Variants in RBFOX3 observed in about 807,000 individuals in gnomAD.
The protein encoded by RBFOX3 is RNA binding fox-1 homolog 3, also known as RNA binding protein fox-1 homolog 3.
A neutral mutation model predicts 48.7 loss-of-function variants in RBFOX3; 17 were observed. That is an observed-to-expected ratio of 0.35 (90% CI 0.24 to 0.52). RBFOX3 has a LOEUF of 0.52. Ranked by LOEUF, RBFOX3 falls within the 20% of genes least tolerant of loss-of-function variation. RBFOX3 has a pLI of 0.94. For missense variants in RBFOX3, 382 were observed against 497.5 expected, an observed-to-expected ratio of 0.77 and a Z score of 2.21; for synonymous variants, 212 against 209.5, an observed-to-expected ratio of 1.01 and a Z score of -0.10.
chr17:79,153,357 CATT>C (rs2045031090), intron 4 of RBFOX3, among the ~76,000 whole-genome samples: 1 of 152,344 alleles, frequency 6.6e-6, no homozygotes, highest in South Asian at 2.1e-4. Flanking sequence ...CTTCATGCCT[CATT>C]GAGAGAATTT....
chr17:79,189,833 G>A (rs919649958), intron 4 of RBFOX3, among the ~76,000 whole-genome samples: 9 of 152,212 alleles, frequency 5.9e-5, no homozygotes, highest in African/African-American at 1.4e-4. Flanking sequence ...GGCTTGGGAA[G>A]TTGTATATTT....
At chr17:79,310,964 G>A (rs148212650) in intron 2 of RBFOX3, among the ~76,000 whole-genome samples, 2,605 of 152,246 alleles carry the variant, frequency 0.017, 41 homozygotes, top group South Asian at 0.048. Context: ...TGTTGCTGGG[G>A]TGGTACTTGG....
rs2076847413 is a variant in RBFOX3 at position 79,311,450 on chromosome 17, A to C, written c.-174-3626T>G. Among the ~76,000 whole-genome samples the C allele has an allele frequency of 1.3e-5, 2 of 151,852 alleles. No individual in the cohort carries two copies. The highest frequency in any genetic ancestry group is 4.8e-5 in the African/African-American group (2 of 41,336). ...CTCCATCTCCAAAAAAAAAAAAAAA[A>C]AAAACAGACTGCAGCACCAATTCCT... On this transcript the variant is annotated intron_variant, in intron 2 of 14. Transcript: ENST00000693108. This position sits in a 1 kb window ranked among gnomAD's most constrained non-coding sequence, Gnocchi z 4.2.
Position 79,146,846 on chromosome 17 carries a change from AG to A in RBFOX3, c.-33-31099del, listed in dbSNP as rs1467060166. Among the ~76,000 whole-genome samples, 10 of 152,204 alleles carry A rather than the reference AG, an allele frequency of 6.6e-5. No homozygotes were observed. The South Asian group carries it at 1.7e-3, about 25-fold the overall frequency. ...CTGCAGGCTCAACCTCACCATGAGG[AG>A]GGGGCAGAGGCCTGAGGAGGGCGGG... On this transcript the variant is annotated intron_variant, in intron 4 of 14. Coordinates refer to ENST00000693108, the MANE Select transcript of RBFOX3 (RefSeq NM_001350451.2).
chr17:79,316,600 C>G (rs1484845489), intron 2 of RBFOX3, among the ~76,000 whole-genome samples: 3 of 152,238 alleles, frequency 2.0e-5, no homozygotes, highest in Non-Finnish European at 4.4e-5. Context: ...TGTGTCCTTC[C>G]TCCCAGAGCC....
At chr17:79,490,170 G>A (rs1037974500) in intron 1 of RBFOX3, among the ~76,000 whole-genome samples, 57 of 152,212 alleles carry the variant, frequency 3.7e-4, no homozygotes, top group African/African-American at 1.1e-3. Flanking sequence ...GGTGGGAGTC[G>A]GTGACAATTT....
Position 79,162,614 on chromosome 17 carries a change from G to A in RBFOX3, c.-33-46866C>T, listed in dbSNP as rs545933510. 7.4e-4 allele frequency among the ~76,000 whole-genome samples: 113 copies of A among 152,366 alleles called. 3 individuals carry two copies. In the South Asian group the frequency reaches 0.023, roughly 31 times the overall value. ...GCGGGGCTATAATAAAATGGAATTT[G>A]TAACAATCGCGCAGTTAAATTAGTT... On this transcript the variant is annotated intron_variant, in intron 4 of 14. Coordinates refer to ENST00000693108, the MANE Select transcript of RBFOX3 (RefSeq NM_001350451.2).
chr17:79,487,913 GAAA>G (rs60345819), intron 1 of RBFOX3, among the ~76,000 whole-genome samples: 6 of 76,914 alleles, frequency 7.8e-5, no homozygotes, highest in East Asian at 4.0e-4. Context: ...CCCCATCTCA[GAAA>G]AAAAAAAAAA....
chr17:79,138,537 C>T (rs1370508202), intron 4 of RBFOX3, among the ~76,000 whole-genome samples: 1 of 152,082 alleles, frequency 6.6e-6, no homozygotes. Flanking sequence ...ATACACTGTG[C>T]ATGCTCACTC....
intron 3 of RBFOX3, among the ~76,000 whole-genome samples, chr17:79,267,245 G>A (rs1284086375): frequency 6.6e-6 from 1 of 152,106 alleles, no homozygotes; most frequent in African/African-American, 2.4e-5. Flanking sequence ...CCTCGGTTGG[G>A]GAGTCATACT....
At chr17:79,493,636 T>C (rs933486542) in intron 1 of RBFOX3, among the ~76,000 whole-genome samples, 12 of 152,320 alleles carry the variant, frequency 7.9e-5, no homozygotes, top group African/African-American at 2.4e-4. Context: ...CTGGCATTTG[T>C]TGCAAGTTGT....
chr17:79,152,263 C>A (rs1287782077), intron 4 of RBFOX3, among the ~76,000 whole-genome samples: 1 of 152,128 alleles, frequency 6.6e-6, no homozygotes, highest in Non-Finnish European at 1.5e-5. Flanking sequence ...CCTGGCCACC[C>A]CCGGGGCGAG....
chr17:79,556,063 G>A (rs1044927619), intron 1 of RBFOX3, among the ~76,000 whole-genome samples: 13 of 152,260 alleles, frequency 8.5e-5, no homozygotes, highest in East Asian at 3.9e-4. Context: ...ATGTCAGAGC[G>A]GGAAAGCATA....
intron 3 of RBFOX3, among the ~76,000 whole-genome samples, chr17:79,264,065 CT>C (rs1328973293): frequency 6.7e-6 from 1 of 150,274 alleles, no homozygotes; most frequent in Non-Finnish European, 1.5e-5. Context: ...TTCCCTAGAG[CT>C]TTGGCGGGAG....
Position 79,090,789 on chromosome 17 carries a change from A to ATCTT in RBFOX3, c.*90_*93dup. The ATCTT allele has an allele frequency of 2.9e-6, 4 of 1,373,742 alleles. No individual in the cohort carries two copies. The highest frequency in any genetic ancestry group is 3.9e-6 in the Non-Finnish European group (4 of 1,020,474). The allele number at this position is 1,373,742 out of a possible 1,614,324, so 85.1% of individuals were successfully genotyped here. ...GGTTGGTTTTTTTTTTGTTGCTTGG[A>ATCTT]TCTTAACATCTTTTTTTGTTTTTTT... On this transcript the variant is annotated 3_prime_UTR_variant, in exon 15 of 15. Transcript: ENST00000693108.
chr17:79,555,477 A>G (rs1430651049), intron 1 of RBFOX3, among the ~76,000 whole-genome samples: 1 of 120,276 alleles, frequency 8.3e-6, no homozygotes, highest in Non-Finnish European at 1.7e-5. Flanking sequence ...TGACAATGAT[A>G]ATGGTGGTGA....
intron 3 of RBFOX3, among the ~76,000 whole-genome samples, chr17:79,263,477 C>T (rs1413569950): frequency 6.6e-6 from 1 of 152,216 alleles, no homozygotes; most frequent in Non-Finnish European, 1.5e-5. Flanking sequence ...CGTGGCGGGG[C>T]CCTGGGCCCT....
At position 79,535,082 on chromosome 17, in the gene RBFOX3, T is replaced by A. The variant is rs559203871; in HGVS notation, c.-319-52484A>T. Reference sequence around the variant, plus strand: ...CTGAAGCCACGAGGAAGCGTGCCAGTCACATGACGGGAAGTCCAGGCTGTG... The same window carrying A: ...CTGAAGCCACGAGGAAGCGTGCCAGACACATGACGGGAAGTCCAGGCTGTG... On this transcript the variant is annotated intron_variant, in intron 1 of 14. Transcript: ENST00000693108. This position sits in a 1 kb window ranked among gnomAD's most constrained non-coding sequence, Gnocchi z 4.5. 6.6e-6 allele frequency among the ~76,000 whole-genome samples: 1 copy of A among 152,300 alleles called. No homozygotes were observed. Among genetic ancestry groups the A allele is most frequent in the East Asian group, 1.9e-4 (1 of 5,166 alleles).
chr17:79,517,645 C>T (rs1044121081), intron 1 of RBFOX3, among the ~76,000 whole-genome samples: 1 of 152,036 alleles, frequency 6.6e-6, no homozygotes, highest in African/African-American at 2.4e-5. Context: ...CTCCAAGGTG[C>T]AGTGAAAACC....
Sources: gnomAD v4.1 joint callset for allele counts (sites outside exome capture counted in the v4.1 genomes callset) on GRCh38, gnomAD v4.1.1 for gene constraint, Gnocchi (gnomAD v3.1) non-coding constraint, MANE v1.5 for transcripts, NCBI Gene and HGNC (gene_info 2026-07-23, HGNC 2026-07-21) for gene names.